The following TPP2 variants were observed in gnomAD, a reference collection of about 807,000 sequenced individuals.
The protein encoded by TPP2 is tripeptidyl-peptidase 2.
TPP2 carries 34 observed loss-of-function variants against 155.9 expected under a neutral mutation model. The observed-to-expected ratio is 0.22, with a 90% confidence interval of 0.17 to 0.29. The LOEUF is 0.29. Among genes scored for constraint, TPP2 ranks in the 10% least tolerant of loss-of-function variants. The pLI is 1.00. For missense variants in TPP2, 1,028 were observed against 1,522.3 expected, an observed-to-expected ratio of 0.68 and a Z score of 5.40; for synonymous variants, 510 against 529.4, an observed-to-expected ratio of 0.96 and a Z score of 0.50.
chr13:102,640,804 A>G (rs1882714429), intron 16 of TPP2, among the ~76,000 whole-genome samples: 1 of 151,822 alleles, frequency 6.6e-6, no homozygotes, highest in South Asian at 2.1e-4. Flanking sequence ...GGCGTGTGCT[A>G]CCACGCCAGG....
At chr13:102,667,619 C>T in intron 27 of TPP2, 1 of 449,010 alleles carries the variant, frequency 2.2e-6, no homozygotes, top group Non-Finnish European at 2.9e-6. Context: ...CCAGTCAGTA[C>T]AAAACCTAAG....
At chr13:102,625,187 CAG>C (rs1329573799) in intron 6 of TPP2, among the ~76,000 whole-genome samples, 2 of 87,016 alleles carry the variant, frequency 2.3e-5, no homozygotes, top group African/African-American at 9.7e-5. Flanking sequence ...TTTTTTGAGA[CAG>C]AGTCTCGCTC....
At chr13:102,669,212 C>T (rs189810876) in intron 27 of TPP2, among the ~76,000 whole-genome samples, 30 of 152,304 alleles carry the variant, frequency 2.0e-4, no homozygotes, top group African/African-American at 7.2e-4. Context: ...AATAAGGCTT[C>T]TGCCAGTAGT....
intron 24 of TPP2, among the ~76,000 whole-genome samples, chr13:102,654,179 A>G (rs1311254207): frequency 1.3e-5 from 2 of 152,176 alleles, no homozygotes; most frequent in African/African-American, 2.4e-5. Flanking sequence ...AATTATTGTG[A>G]TACAGCAAGT....
rs750018834 is a variant in TPP2, at chr13:102,657,045, C to T, written c.2992-11C>T. Reference sequence around the variant, plus strand: ...GCATATTAATCTAAGAATCTCTCTCCACATTCGTAGGATGTAATCCCTGTT... The same window carrying T: ...GCATATTAATCTAAGAATCTCTCTCTACATTCGTAGGATGTAATCCCTGTT... On this transcript the variant is annotated splice_polypyrimidine_tract_variant and intron_variant, in intron 24 of 29. Coordinates refer to ENST00000376052, the MANE Select transcript of TPP2 (RefSeq NM_001330588.2). The T allele has an allele frequency of 1.9e-6, 3 of 1,577,394 alleles. No individual in the cohort carries two copies. Among genetic ancestry groups the T allele is most frequent in the Non-Finnish European group, 2.6e-6 (3 of 1,168,686 alleles).
At chr13:102,617,056 G>GTA (rs1880794139) in intron 4 of TPP2, among the ~76,000 whole-genome samples, 1 of 151,080 alleles carries the variant, frequency 6.6e-6, no homozygotes, top group African/African-American at 2.4e-5. Flanking sequence ...TTACAGGCAC[G>GTA]TGCCACCACA....
In TPP2 at chr13:102,632,952, G is replaced by A. The variant is rs76423221; in HGVS notation, c.1245-998G>A. ...TAAGATGGTTCCTAAAAGAGGTGCT[G>A]TCAGCCCATTTCAAGAGGAATATAT... On this transcript the variant is annotated intron_variant, in intron 10 of 29. Coordinates refer to ENST00000376052, the MANE Select transcript of TPP2 (RefSeq NM_001330588.2). 7.8e-3 allele frequency among the ~76,000 whole-genome samples: 1,192 copies of A among 152,252 alleles called. 18 individuals are homozygous for A. The highest frequency in any genetic ancestry group is 0.027 in the African/African-American group (1,126 of 41,534).
intron 20 of TPP2, among the ~76,000 whole-genome samples, chr13:102,646,974 G>A (rs1402515736): frequency 6.6e-6 from 1 of 152,180 alleles, no homozygotes; most frequent in Non-Finnish European, 1.5e-5. Context: ...GTATGTATAT[G>A]TTGCTTTATT....
Position 102,623,594 on chromosome 13 carries a change from T to C in TPP2, c.784+554T>C, listed in dbSNP as rs201391838. 3.3e-5 allele frequency among the ~76,000 whole-genome samples: 5 copies of C among 152,304 alleles called. No homozygotes were observed. The East Asian group carries it at 7.7e-4, about 23-fold the overall frequency. On this transcript the variant is annotated intron_variant, in intron 6 of 29. Transcript: ENST00000376052. ...AAATCCATCAATAGAATTTATCTCA[T>C]GAACAGCAATTTTGCCTCGAAATCT...
chr13:102,616,159 G>A (rs1415388522), intron 3 of TPP2, among the ~76,000 whole-genome samples: 1 of 152,104 alleles, frequency 6.6e-6, no homozygotes, highest in Non-Finnish European at 1.5e-5. Flanking sequence ...GTTTCACCTT[G>A]TTGGCCAGGC....
chr13:102,609,797 C>A (rs1046570090), intron 2 of TPP2, among the ~76,000 whole-genome samples: 4 of 152,132 alleles, frequency 2.6e-5, no homozygotes, highest in Non-Finnish European at 5.9e-5. Context: ...CCACCACATC[C>A]CTCCCCTGAC....
chr13:102,623,006 T>C lies in TPP2; in HGVS notation c.750T>C (p.Asp250=). The C allele has an allele frequency of 3.1e-6, 5 of 1,613,768 alleles. No individual in the cohort carries two copies. Among genetic ancestry groups the C allele is most frequent in the Non-Finnish European group, 4.2e-6 (5 of 1,179,946 alleles). The change falls in exon 6 of 30, where the codon GAT becomes GAC. Residue 250 remains aspartate (D), a synonymous_variant. Transcript: ENST00000376052. ...EMLNYSVNIY[D]DGNLLSIVTS... ...TGAATTACTCCGTTAATATATACGA[T>C]GATGGAAACCTGCTCTCCATTGTGA...
chr13:102,604,946 A>C lies in TPP2; in HGVS notation c.294+25A>C. The C allele has an allele frequency of 2.5e-6, 4 of 1,596,792 alleles. No individual in the cohort carries two copies. The South Asian group carries it at 4.6e-5, about 19-fold the overall frequency. ...GGTGAGACCTTTTGTCTTCTTTTTGAATTTTTTTTTTTTTACTCTTGCCTC... is the reference window on the plus strand; with the variant it reads ...GGTGAGACCTTTTGTCTTCTTTTTGCATTTTTTTTTTTTTACTCTTGCCTC... On this transcript the variant is annotated intron_variant, in intron 2 of 29. Transcript: ENST00000376052.
intron 2 of TPP2, among the ~76,000 whole-genome samples, chr13:102,613,678 C>G (rs1880486030): frequency 6.6e-6 from 1 of 152,182 alleles, no homozygotes; most frequent in Non-Finnish European, 1.5e-5. Flanking sequence ...CAACTTTCCT[C>G]TTGTTCAGGC....
rs548920910 is a variant in TPP2 at position 102,638,091 on chromosome 13, G to A, written c.1837-148G>A. On this transcript the variant is annotated intron_variant, in intron 14 of 29. Transcript: ENST00000376052. The stretch of plus-strand genomic sequence containing the variant: ...GTTTGGGCTGTTTGCTATTAATTAT[G>A]TGACCTAGTGTCAGGAAATTGGTGT... The A allele has an allele frequency of 1.7e-4, 112 of 661,648 alleles. No homozygotes were observed. In the African/African-American group the frequency reaches 1.8e-3, roughly 11 times the overall value. The allele number at this position is 661,648 out of a possible 1,614,324, so 41.0% of individuals were successfully genotyped here. A position where few individuals can be genotyped will look rare whatever the true frequency, so the allele number is the denominator to read the frequency against.
At position 102,604,884 on chromosome 13, in the gene TPP2, A is replaced by G. The variant is rs748729263; in HGVS notation, c.257A>G (p.Asp86Gly). Residue 86 changes from aspartate (D) to glycine (G), a missense_variant, in exon 2 of 30, where the codon GAT becomes GGT. Around this residue, in one of 7 missense-constraint regions of TPP2, gnomAD observed 300 missense variants for 398.3 expected, o/e 0.75. Transcript: ENST00000376052. ...VNTATEVEPKDGEIVGLSGRV... is the reference protein window; with the variant it reads ...VNTATEVEPKGGEIVGLSGRV... Reference sequence around the variant, plus strand: ...ACTGCTACAGAAGTAGAGCCAAAGGATGGTGAGATTGTTGGCCTTTCAGGA... The same window carrying G: ...ACTGCTACAGAAGTAGAGCCAAAGGGTGGTGAGATTGTTGGCCTTTCAGGA... 5 of 1,614,098 alleles carry G rather than the reference A, an allele frequency of 3.1e-6. No homozygotes were observed. In the South Asian group the frequency reaches 4.4e-5, roughly 14 times the overall value.
At chr13:102,664,660 C>T (rs911834656) in intron 26 of TPP2, 135 bp from the exon 27 acceptor site, 1 of 837,888 alleles carries the variant, frequency 1.2e-6, no homozygotes, top group Non-Finnish European at 1.8e-6. Context: ...AGCAGGGAGC[C>T]CCTGGGCTAC....
intron 5 of TPP2, among the ~76,000 whole-genome samples, chr13:102,620,668 C>G (rs1881088511): frequency 1.3e-5 from 2 of 152,166 alleles, no homozygotes; most frequent in Admixed American, 1.3e-4. Flanking sequence ...CACATTTCTG[C>G]TAATTGTTTA....
At position 102,679,377 on chromosome 13, in the gene TPP2, G is replaced by A. The variant is rs550864359; in HGVS notation, c.*1061G>A. 2.0e-5 allele frequency: 3 copies of A among 152,178 alleles called. No homozygotes were observed. In the South Asian group the frequency reaches 6.2e-4, roughly 32 times the overall value. 9.4% of individuals were successfully genotyped at this position (152,178 alleles called of 1,614,324 possible). A position where few individuals can be genotyped will look rare whatever the true frequency, so the allele number is the denominator to read the frequency against. Reference sequence around the variant, plus strand: ...TTTATTATTTTTATCTTTGGCTACTGCACGTGCATCTCTCGTCATTCCTCC... The same window carrying A: ...TTTATTATTTTTATCTTTGGCTACTACACGTGCATCTCTCGTCATTCCTCC... On this transcript the variant is annotated 3_prime_UTR_variant, in exon 30 of 30. Coordinates refer to ENST00000376052, the MANE Select transcript of TPP2 (RefSeq NM_001330588.2).
Sources: allele counts gnomAD v4.1 joint callset (sites outside exome capture counted in the v4.1 genomes callset), GRCh38; gene constraint gnomAD v4.1.1; regional missense constraint gnomAD v4.1.1; transcripts MANE v1.5; gene names NCBI Gene and HGNC (gene_info 2026-07-23, HGNC 2026-07-21).